Variants in KIAA1549L observed in about 807,000 individuals in gnomAD.
The protein encoded by KIAA1549L is UPF0606 protein KIAA1549L.
KIAA1549L carries 88 observed loss-of-function variants against 160.7 expected under a neutral mutation model. The observed-to-expected ratio is 0.55, with a 90% CI of 0.46 to 0.65. The LOEUF (loss-of-function observed/expected upper bound fraction) is 0.65, where lower values mean the gene tolerates loss of function less well. Ranked by LOEUF, KIAA1549L falls within the 30% of genes least tolerant of loss-of-function variation. The pLI, the probability that KIAA1549L is intolerant of heterozygous loss-of-function variation, is 0.00. For synonymous variants in KIAA1549L, 950 were observed against 976.7 expected (o/e 0.97, Z 0.51); for missense variants, 2,258 against 2,437.5 (o/e 0.93, Z 1.55).
At chr11:33,554,282 G>A (rs1854570625) in intron 6 of KIAA1549L, among the ~76,000 whole-genome samples, 1 of 152,160 alleles carries the variant, frequency 6.6e-6, no homozygotes, top group Non-Finnish European at 1.5e-5. Context: ...AATTTGCTCA[G>A]ATAGTCATTG....
chr11:33,407,232 C>G (rs538642251), intron 1 of KIAA1549L, among the ~76,000 whole-genome samples: 17 of 151,722 alleles, frequency 1.1e-4, no homozygotes, highest in Non-Finnish European at 1.6e-4. Flanking sequence ...CTACAGGCGC[C>G]TGCCACCACG....
rs1852618423 is a variant in KIAA1549L at position 33,669,991 on chromosome 11, C to G, written c.*1837C>G. On this transcript the variant is annotated 3_prime_UTR_variant, in exon 21 of 21. Transcript: ENST00000658780. ...TCTATCAATGGCCAGTTGTTGTAGTCCAAAACCTAAATCAGTTTGCAAAAC... is the reference window on the plus strand; with the variant it reads ...TCTATCAATGGCCAGTTGTTGTAGTGCAAAACCTAAATCAGTTTGCAAAAC... The G allele has an allele frequency of 6.6e-6, 1 of 152,162 alleles. No individual in the cohort carries two copies. Among genetic ancestry groups the G allele is most frequent in the South Asian group, 2.1e-4 (1 of 4,832 alleles). The allele number at this position is 152,162 out of a possible 1,614,324, so 9.4% of individuals were successfully genotyped here. A position where few individuals can be genotyped will look rare whatever the true frequency, so the allele number is the denominator to read the frequency against.
intron 16 of KIAA1549L, among the ~76,000 whole-genome samples, chr11:33,623,626 GA>G (rs1391412870): frequency 6.6e-6 from 1 of 152,200 alleles, no homozygotes; most frequent in Non-Finnish European, 1.5e-5. Flanking sequence ...GTAAAGTCCA[GA>G]TGTCACCAGG....
intron 1 of KIAA1549L, among the ~76,000 whole-genome samples, chr11:33,435,527 T>G (rs1851334185): frequency 6.6e-6 from 1 of 151,734 alleles, no homozygotes; most frequent in Non-Finnish European, 1.5e-5. Context: ...GTAACCTAAA[T>G]TTTTACAATT....
chr11:33,448,224 A>T (rs4756695), intron 1 of KIAA1549L, among the ~76,000 whole-genome samples: 29,467 of 152,092 alleles, frequency 0.19, 3,179 homozygotes, highest in East Asian at 0.33. Context: ...TTAGGTATTT[A>T]CATTTGAGGA....
chr11:33,392,442 G>A (rs1363425006), intron 1 of KIAA1549L, among the ~76,000 whole-genome samples: 3 of 152,142 alleles, frequency 2.0e-5, no homozygotes, highest in Non-Finnish European at 4.4e-5. Context: ...TTAGGGTTCA[G>A]TATTTGTTTA....
At position 33,552,200 on chromosome 11, in the gene KIAA1549L, G is replaced by C. The variant is rs1206827564; in HGVS notation, c.3814G>C (p.Glu1272Gln). Residue 1272 changes from glutamate to glutamine, a missense_variant, in exon 6 of 21, where the codon GAG becomes CAG. Transcript: ENST00000658780. ...GCTGCAGAAGGCATTCCAGGATGCC[G>C]AGAGGAAAGTCCTGAATACCAAAAG... ...QRLQKAFQDA[E>Q]RKVLNTKSNL... 6 of 1,608,300 alleles carry C rather than the reference G, an allele frequency of 3.7e-6. No homozygotes were observed. Among genetic ancestry groups the C allele is most frequent in the Non-Finnish European group, 5.1e-6 (6 of 1,177,228 alleles).
In KIAA1549L at chr11:33,507,100, G is replaced by A. The variant is rs2133098654; in HGVS notation, c.239-34702G>A. Reference sequence around the variant, plus strand: ...GGGAACCAGCAAGGTGTAGCAGAAGGAACATAGGGAGATCTGGGTTTTATT... The same window carrying A: ...GGGAACCAGCAAGGTGTAGCAGAAGAAACATAGGGAGATCTGGGTTTTATT... On this transcript the variant is annotated intron_variant, in intron 1 of 20. Transcript: ENST00000658780. 1.3e-5 allele frequency among the ~76,000 whole-genome samples: 2 copies of A among 152,302 alleles called. 1 individual carries two copies. Among genetic ancestry groups the A allele is most frequent in the Middle Eastern group, 6.8e-3 (2 of 294 alleles).
intron 17 of KIAA1549L, among the ~76,000 whole-genome samples, chr11:33,652,542 T>C (rs1851926822): frequency 6.6e-6 from 1 of 152,198 alleles, no homozygotes; most frequent in South Asian, 2.1e-4. Flanking sequence ...CTATAGGACA[T>C]CCACAGACAT....
intron 9 of KIAA1549L, among the ~76,000 whole-genome samples, chr11:33,571,819 T>C (rs900733204): frequency 8.5e-5 from 13 of 152,098 alleles, no homozygotes; most frequent in Non-Finnish European, 1.9e-4. Context: ...TCAAGTGTTC[T>C]TTTGAAAAGG....
intron 13 of KIAA1549L, among the ~76,000 whole-genome samples, chr11:33,601,202 A>G (rs186622588): frequency 3.9e-5 from 6 of 152,272 alleles, no homozygotes; most frequent in Admixed American, 3.9e-4. Flanking sequence ...TATTTTTGCC[A>G]AAAGTAAACC....
intron 20 of KIAA1549L, among the ~76,000 whole-genome samples, chr11:33,667,410 T>G (rs968267785): frequency 5.9e-5 from 9 of 152,096 alleles, no homozygotes; most frequent in African/African-American, 2.2e-4. Flanking sequence ...TTTTTTTTTT[T>G]GAGACGGAGT....
At chr11:33,395,132 T>C (rs1565118320) in intron 1 of KIAA1549L, among the ~76,000 whole-genome samples, 1 of 152,190 alleles carries the variant, frequency 6.6e-6, no homozygotes, top group Non-Finnish European at 1.5e-5. Flanking sequence ...GCAACAGGCT[T>C]TGGAGATAAG....
intron 1 of KIAA1549L, among the ~76,000 whole-genome samples, chr11:33,405,658 A>C (rs1185621471): frequency 6.6e-6 from 1 of 151,934 alleles, no homozygotes; most frequent in Non-Finnish European, 1.5e-5. Context: ...CCTGGCCAAC[A>C]TGGTGAAACC....
intron 1 of KIAA1549L, among the ~76,000 whole-genome samples, chr11:33,437,692 T>C (rs977177651): frequency 2.6e-5 from 4 of 152,184 alleles, no homozygotes; most frequent in Non-Finnish European, 5.9e-5. Context: ...GGGCCTCCCT[T>C]TACTAGCCTG....
At chr11:33,578,292 C>A (rs1382385524) in intron 10 of KIAA1549L, among the ~76,000 whole-genome samples, 2 of 152,144 alleles carry the variant, frequency 1.3e-5, no homozygotes, top group Non-Finnish European at 2.9e-5. Flanking sequence ...TCAGCTGTCA[C>A]TCAAGAGAGT....
chr11:33,582,963 A>G (rs1341882131), intron 10 of KIAA1549L, among the ~76,000 whole-genome samples: 1 of 152,192 alleles, frequency 6.6e-6, no homozygotes, highest in Non-Finnish European at 1.5e-5. Context: ...TCTAATCTGC[A>G]CATTTCTCAG....
chr11:33,539,976 G>A (rs896470543), intron 1 of KIAA1549L, among the ~76,000 whole-genome samples: 1 of 152,180 alleles, frequency 6.6e-6, no homozygotes, highest in South Asian at 2.1e-4. Context: ...GCTATCTTGG[G>A]AAACACTAGT....
rs1180070687 is a variant in KIAA1549L at position 33,673,651 on chromosome 11, C to CTAAAT, written c.*5500_*5504dup. The CTAAAT allele has an allele frequency of 4.6e-5, 7 of 152,212 alleles. No homozygotes were observed. The highest frequency in any genetic ancestry group is 1.7e-4 in the African/African-American group (7 of 41,452). The allele number at this position is 152,212 out of a possible 1,614,324, so 9.4% of individuals were successfully genotyped here. A position where few individuals can be genotyped will look rare whatever the true frequency, so the allele number is the denominator to read the frequency against. On this transcript the variant is annotated 3_prime_UTR_variant, in exon 21 of 21. Coordinates refer to ENST00000658780, the MANE Select transcript of KIAA1549L (RefSeq NM_012194.3). Reference sequence around the variant, plus strand: ...TGACAAGCACTTGAAGCCATTCTTACTAAATTATTAGTTTTGTAATTCGGT... The same window carrying CTAAAT: ...TGACAAGCACTTGAAGCCATTCTTACTAAATTAAATTATTAGTTTTGTAATTCGGT...
Sources: allele counts gnomAD v4.1 joint callset (sites outside exome capture counted in the v4.1 genomes callset), GRCh38; gene constraint gnomAD v4.1.1; transcripts MANE v1.5; gene names NCBI Gene and HGNC (gene_info 2026-07-23, HGNC 2026-07-21).